The following POLN variants were observed in gnomAD, a reference collection of about 807,000 sequenced individuals.
POLN encodes DNA polymerase N.
A neutral mutation model predicts 113.5 loss-of-function variants in POLN; 108 were observed. The observed-to-expected ratio is 0.95, with a 90% CI of 0.81 to 1.12. POLN has a LOEUF of 1.12. POLN is among the 50% of genes most tolerant of loss of function. The probability of loss-of-function intolerance (pLI) is 0.00; values close to 1 mark genes in which losing one functional copy is unlikely to be tolerated. For synonymous variants in POLN, 386 were observed against 391.5 expected (o/e 0.99, Z 0.17); for missense variants, 1,097 against 1,077.1 (o/e 1.02, Z -0.26).
intron 23 of POLN, chr4:2,079,037 C>G (rs1208417658): frequency 1.8e-6 from 1 of 570,266 alleles, no homozygotes; most frequent in Non-Finnish European, 2.2e-6. Flanking sequence ...TCAGGTGATC[C>G]TCCCACTTCA....
intron 16 of POLN, among the ~76,000 whole-genome samples, chr4:2,140,568 A>G (rs2108730981): frequency 6.6e-6 from 1 of 152,252 alleles, no homozygotes; most frequent in South Asian, 2.1e-4. Flanking sequence ...CCACCATGGC[A>G]GAGCCCCATC....
At chr4:2,097,926 ACAGGCCCATGGGGCTGTGTACCC>A (rs1244155549) in intron 19 of POLN, among the ~76,000 whole-genome samples, 2 of 152,262 alleles carry the variant, frequency 1.3e-5, no homozygotes, top group Non-Finnish European at 2.9e-5. Flanking sequence ...TCTTTGGGGG[ACAGGCCCATGGGGCTGTGTACCC>A]CACCATTCTT....
At chr4:2,140,070 A>ATTAT (rs113962274) in intron 16 of POLN, 107,091 of 150,488 alleles carry the variant, frequency 0.71, 42,065 homozygotes, top group Non-Finnish European at 0.88. Context: ...ATTCAAAGGG[A>ATTAT]TTATTTATTT....
At chr4:2,160,995 G>A (rs963440157) in intron 13 of POLN, among the ~76,000 whole-genome samples, 1 of 152,224 alleles carries the variant, frequency 6.6e-6, no homozygotes, top group East Asian at 1.9e-4. Flanking sequence ...CTTACTTAAT[G>A]CTTTGCAGTG....
chr4:2,200,317 G>A (rs945662361), intron 5 of POLN, among the ~76,000 whole-genome samples: 1 of 152,182 alleles, frequency 6.6e-6, no homozygotes, highest in Non-Finnish European at 1.5e-5. Flanking sequence ...ATGGCAGATG[G>A]GAGGCAGGAC....
intron 6 of POLN, among the ~76,000 whole-genome samples, chr4:2,194,031 T>C (rs1241148430): frequency 6.6e-6 from 1 of 152,224 alleles, no homozygotes; most frequent in Non-Finnish European, 1.5e-5. Flanking sequence ...ATGTGCCAGA[T>C]ACCACGCTGG....
intron 19 of POLN, among the ~76,000 whole-genome samples, chr4:2,122,996 GA>G (rs1045768613): frequency 6.7e-4 from 97 of 145,234 alleles, no homozygotes; most frequent in Admixed American, 1.6e-3. Context: ...CTACCAAAAA[GA>G]AAAAAAAAAA....
At chr4:2,157,991 GC>G in intron 14 of POLN, 80 bp from the exon 15 acceptor site, 3 of 1,129,950 alleles carry the variant, frequency 2.7e-6, no homozygotes, top group Non-Finnish European at 3.9e-6. Context: ...TCGCTCCATT[GC>G]CCAGGCTGGA....
chr4:2,184,245 G>T (rs1365118417), intron 7 of POLN, among the ~76,000 whole-genome samples: 1 of 123,770 alleles, frequency 8.1e-6, no homozygotes, highest in African/African-American at 3.8e-5. Flanking sequence ...TAAAACACTA[G>T]ACTTTAAAAA....
chr4:2,237,683 T>C (rs930748812), intron 2 of POLN, among the ~76,000 whole-genome samples: 2 of 152,174 alleles, frequency 1.3e-5, no homozygotes, highest in Admixed American at 6.5e-5. Flanking sequence ...CCTACCTATA[T>C]TACAGGATTG....
intron 16 of POLN, among the ~76,000 whole-genome samples, chr4:2,153,280 T>C (rs934988313): frequency 6.6e-6 from 1 of 152,246 alleles, no homozygotes; most frequent in Non-Finnish European, 1.5e-5. Flanking sequence ...GATTGCATAA[T>C]AAGTCAGAAA....
At chr4:2,220,130 C>T (rs1282474451) in intron 3 of POLN, among the ~76,000 whole-genome samples, 2 of 152,190 alleles carry the variant, frequency 1.3e-5, no homozygotes, top group East Asian at 3.9e-4. Flanking sequence ...ATTCACCCCT[C>T]GTTGCACCCC....
At chr4:2,241,462 T>A in intron 2 of POLN, 58 bp downstream of exon 2, 2 of 980,860 alleles carry the variant, frequency 2.0e-6, no homozygotes, top group Non-Finnish European at 2.4e-6. Flanking sequence ...CTGCCCTCCG[T>A]ACGTAAGAAG....
intron 20 of POLN, chr4:2,088,884 A>T: frequency 7.0e-7 from 1 of 1,430,278 alleles, no homozygotes; most frequent in Non-Finnish European, 9.5e-7. Flanking sequence ...CGTCGCTTGC[A>T]GCTTTTTAGT....
chr4:2,172,913 C>T (rs894472551), intron 11 of POLN, among the ~76,000 whole-genome samples: 33 of 152,172 alleles, frequency 2.2e-4, no homozygotes, highest in African/African-American at 7.7e-4. Context: ...CGCCTATCGG[C>T]AGTGGGACAG....
At chr4:2,159,381 A>C (rs1732521238) in intron 13 of POLN, among the ~76,000 whole-genome samples, 170 bp from the exon 14 acceptor site, 1 of 152,216 alleles carries the variant, frequency 6.6e-6, no homozygotes. Context: ...CTAACCCCTT[A>C]CAAAACCATT....
In POLN at chr4:2,072,320, T is replaced by G. The variant is rs972068942; in HGVS notation, c.2518-21A>C. On this transcript the variant is annotated intron_variant, in intron 25 of 25. Coordinates refer to ENST00000511885, the MANE Select transcript of POLN (RefSeq NM_181808.4). ...GGTACCTGCAGGTGGCAGCCAGAGG[T>G]GAGCCCCACGCCTGGGCCAGCCACC... The G allele has an allele frequency of 2.6e-6, 4 of 1,516,434 alleles. No individual in the cohort carries two copies. In the African/African-American group the frequency reaches 4.2e-5, roughly 16 times the overall value. 93.9% of individuals were successfully genotyped at this position (1,516,434 alleles called of 1,614,324 possible).
At position 2,200,969 on chromosome 4, in the gene POLN, T is replaced by C. The variant is rs116927797; in HGVS notation, c.715-2252A>G. Among the ~76,000 whole-genome samples, 99 of 151,938 alleles carry C rather than the reference T, an allele frequency of 6.5e-4. 2 individuals carry two copies. In the East Asian group the frequency reaches 0.016, roughly 24 times the overall value. ...CAGTTTAAGGAAGTCAAAAAAATGA[T>C]ACAAGAAATGAGGGGAGGCCGGGCA... On this transcript the variant is annotated intron_variant, in intron 5 of 25. Coordinates refer to ENST00000511885, the MANE Select transcript of POLN (RefSeq NM_181808.4).
At chr4:2,207,701 T>C (rs1347634541) in intron 5 of POLN, among the ~76,000 whole-genome samples, 1 of 152,092 alleles carries the variant, frequency 6.6e-6, no homozygotes, top group Non-Finnish European at 1.5e-5. Flanking sequence ...TCGGAATCAC[T>C]GGAATGGCTA....
Sources: allele counts gnomAD v4.1 joint callset (sites outside exome capture counted in the v4.1 genomes callset), GRCh38; gene constraint gnomAD v4.1.1; transcripts MANE v1.5; gene names NCBI Gene and HGNC (gene_info 2026-07-23, HGNC 2026-07-21).